ARHGEF28: variants seen among roughly 807,000 people sequenced by gnomAD.
ARHGEF28 encodes 190 kDa guanine nucleotide exchange factor.
ARHGEF28 carries 152 observed loss-of-function variants against 206.6 expected under a neutral mutation model. The ratio of observed to expected loss-of-function variants is 0.74; its 90% CI spans 0.64 to 0.84. The LOEUF is 0.84. Among genes scored for constraint, ARHGEF28 ranks in the 40% least tolerant of loss-of-function variants. ARHGEF28 has a pLI of 0.00. For synonymous variants in ARHGEF28, 763 were observed against 776.4 expected (o/e 0.98, Z 0.29); for missense variants, 2,028 against 2,073.2 (o/e 0.98, Z 0.42).
rs1757354749 is a variant in ARHGEF28, at chr5:73,832,429, A to AGTCTAC, written c.1118_1123dup (p.Val373_Tyr374dup). The AGTCTAC allele has an allele frequency of 6.2e-7, 1 of 1,612,476 alleles. No individual in the cohort carries two copies. The highest frequency in any genetic ancestry group is 8.5e-7 in the Non-Finnish European group (1 of 1,179,394). ...CAGACATGCTGAATGGAGGTGATGA[A>AGTCTAC]GTCTACGCTAACTGTATGGTGATTG... On this transcript the variant is annotated inframe_insertion, in exon 10 of 36. Coordinates refer to ENST00000513042, the MANE Select transcript of ARHGEF28 (RefSeq NM_001177693.2).
chr5:73,801,362 G>T (rs910333331), intron 9 of ARHGEF28, among the ~76,000 whole-genome samples: 4 of 152,072 alleles, frequency 2.6e-5, no homozygotes, highest in Non-Finnish European at 5.9e-5. Flanking sequence ...CAGGAGAATG[G>T]CGTGAACCCG....
intron 33 of ARHGEF28, 180 bp from the exon 34 acceptor site, chr5:73,909,232 A>G (rs1423551010): frequency 1.2e-6 from 1 of 804,856 alleles, no homozygotes; most frequent in Non-Finnish European, 1.9e-6. Flanking sequence ...ACAGATGTAG[A>G]CACACCTCTC....
chr5:73,838,045 T>G (rs536267998), intron 10 of ARHGEF28, among the ~76,000 whole-genome samples: 1 of 152,172 alleles, frequency 6.6e-6, no homozygotes, highest in Non-Finnish European at 1.5e-5. Flanking sequence ...GGCCAAGATA[T>G]AATTTTTATT....
chr5:73,702,362 T>C (rs1748654756), intron 2 of ARHGEF28, among the ~76,000 whole-genome samples: 2 of 152,226 alleles, frequency 1.3e-5, no homozygotes, highest in Non-Finnish European at 2.9e-5. Context: ...GTTAGGACTA[T>C]GCATCTGTAG....
chr5:73,810,681 A>G (rs556328539), intron 9 of ARHGEF28, among the ~76,000 whole-genome samples: 1 of 152,298 alleles, frequency 6.6e-6, no homozygotes, highest in African/African-American at 2.4e-5. Flanking sequence ...AGATTGATTC[A>G]ACACATCTGG....
chr5:73,706,742 A>T (rs73762163), intron 2 of ARHGEF28, among the ~76,000 whole-genome samples: 4,204 of 152,298 alleles, frequency 0.028, 190 homozygotes, highest in African/African-American at 0.096. Flanking sequence ...CCTGAATAAG[A>T]CCAGAAGTCA....
At chr5:73,886,717 A>G (rs1257129239) in intron 25 of ARHGEF28, among the ~76,000 whole-genome samples, 1 of 152,186 alleles carries the variant, frequency 6.6e-6, no homozygotes, top group Non-Finnish European at 1.5e-5. Context: ...CTGGCCACAC[A>G]CTAGAATCAC....
At chr5:73,795,931 G>T (rs1754777901) in intron 9 of ARHGEF28, among the ~76,000 whole-genome samples, 1 of 152,172 alleles carries the variant, frequency 6.6e-6, no homozygotes, top group Admixed American at 6.5e-5. Context: ...CCTTTCAGAG[G>T]AACCAGGTGT....
chr5:73,666,544 C>A (rs1273969327), intron 1 of ARHGEF28, among the ~76,000 whole-genome samples: 2 of 152,208 alleles, frequency 1.3e-5, no homozygotes, highest in African/African-American at 4.8e-5. Context: ...GCTGCTGTGG[C>A]CCCACAGCTT....
At chr5:73,833,290 A>T (rs928351636) in intron 10 of ARHGEF28, among the ~76,000 whole-genome samples, 1 of 152,182 alleles carries the variant, frequency 6.6e-6, no homozygotes, top group Admixed American at 6.5e-5. Flanking sequence ...TAAGACATTT[A>T]ACCCTTTTAT....
At chr5:73,871,611 A>G (rs1029571625) in intron 21 of ARHGEF28, among the ~76,000 whole-genome samples, 1 of 152,212 alleles carries the variant, frequency 6.6e-6, no homozygotes, top group African/African-American at 2.4e-5. Flanking sequence ...AAATTGAGGT[A>G]TAATTCACCT....
chr5:73,915,439 T>C (rs1342961730), intron 35 of ARHGEF28, among the ~76,000 whole-genome samples: 1 of 152,222 alleles, frequency 6.6e-6, no homozygotes, highest in African/African-American at 2.4e-5. Context: ...TCTTGGATGT[T>C]CAAACATTAA....
intron 22 of ARHGEF28, among the ~76,000 whole-genome samples, chr5:73,878,207 T>C (rs1461161768): frequency 2.7e-5 from 4 of 150,402 alleles, no homozygotes; most frequent in Non-Finnish European, 5.9e-5. Flanking sequence ...TTGATCTTTG[T>C]TGGTTTAAAG....
intron 7 of ARHGEF28, among the ~76,000 whole-genome samples, chr5:73,786,046 T>C (rs1459042250): frequency 2.9e-5 from 4 of 138,266 alleles, no homozygotes; most frequent in African/African-American, 1.1e-4. Context: ...CCACTGTTCT[T>C]GGCAGTAACC....
chr5:73,645,598 A>T (rs970649238), intron 1 of ARHGEF28, among the ~76,000 whole-genome samples: 5 of 152,244 alleles, frequency 3.3e-5, no homozygotes, highest in Non-Finnish European at 5.9e-5. Flanking sequence ...AGAAAACATG[A>T]TACTGAACTA....
intron 2 of ARHGEF28, among the ~76,000 whole-genome samples, chr5:73,740,040 T>C (rs978124317): frequency 4.3e-4 from 62 of 145,806 alleles, no homozygotes; most frequent in African/African-American, 1.4e-3. Flanking sequence ...AGGTGTGGTG[T>C]GGTGGTGGTG....
At position 73,888,264 on chromosome 5, in the gene ARHGEF28, C is replaced by T. The variant is rs140574437; in HGVS notation, c.3387+585C>T. Among the ~76,000 whole-genome samples the T allele has an allele frequency of 2.9e-3, 436 of 152,312 alleles. 3 individuals are homozygous for T. Among genetic ancestry groups the T allele is most frequent in the African/African-American group, 9.9e-3 (413 of 41,568 alleles). ...TTTCTTATTTTTACTATAGTAGCTT[C>T]TAAAGACAGTGTATGAAACTATTTT... On this transcript the variant is annotated intron_variant, in intron 26 of 35. Coordinates refer to ENST00000513042, the MANE Select transcript of ARHGEF28 (RefSeq NM_001177693.2).
intron 9 of ARHGEF28, among the ~76,000 whole-genome samples, chr5:73,796,571 C>G (rs1285415031): frequency 6.6e-6 from 1 of 152,150 alleles, no homozygotes; most frequent in Non-Finnish European, 1.5e-5. Context: ...CTGTGTAGAG[C>G]AGAGCAAGGA....
chr5:73,752,530 C>T (rs893135737), intron 3 of ARHGEF28, among the ~76,000 whole-genome samples: 2 of 152,048 alleles, frequency 1.3e-5, no homozygotes, highest in African/African-American at 4.8e-5. Flanking sequence ...AAATATGTGA[C>T]TCAGGAGGAA....
Sources: allele counts gnomAD v4.1 joint callset (sites outside exome capture counted in the v4.1 genomes callset), GRCh38; gene constraint gnomAD v4.1.1; transcripts MANE v1.5; gene names NCBI Gene and HGNC (gene_info 2026-07-23, HGNC 2026-07-21).